Variants in ADAMTS16 observed in about 807,000 individuals in gnomAD.
ADAMTS16 encodes A disintegrin and metalloproteinase with thrombospondin motifs 16.
ADAMTS16 carries 94 observed loss-of-function variants against 145.8 expected under a neutral mutation model. That is an observed-to-expected ratio of 0.64 (90% CI 0.55 to 0.77). ADAMTS16 has a LOEUF of 0.77. Among genes scored for constraint, ADAMTS16 ranks in the 30% least tolerant of loss-of-function variants. The pLI, the probability that ADAMTS16 is intolerant of heterozygous loss-of-function variation, is 0.00. For synonymous variants in ADAMTS16, 659 were observed against 604.3 expected (o/e 1.09, Z -1.33); for missense variants, 1,585 against 1,591.5 (o/e 1.00, Z 0.07).
chr5:5,200,107 A>ATCTCTCTCTC (rs58639468), intron 8 of ADAMTS16, 25 bp from the exon 9 acceptor site: 1 of 1,447,254 alleles, frequency 6.9e-7, no homozygotes, highest in South Asian at 1.3e-5. Flanking sequence ...TGAAAGAACC[A>ATCTCTCTCTC]TCTCTCTCTC....
intron 12 of ADAMTS16, among the ~76,000 whole-genome samples, chr5:5,233,306 C>T (rs767875360): frequency 1.8e-4 from 27 of 152,142 alleles, no homozygotes; most frequent in Non-Finnish European, 3.1e-4. Context: ...CACCAGTGTG[C>T]GGAAGTGAAG....
At chr5:5,210,824 A>G (rs1241393264) in intron 10 of ADAMTS16, among the ~76,000 whole-genome samples, 3 of 152,168 alleles carry the variant, frequency 2.0e-5, no homozygotes, top group African/African-American at 7.2e-5. Context: ...GTCTATTGAT[A>G]TAGTTATATT....
At chr5:5,186,621 C>T (rs1043546260) in intron 5 of ADAMTS16, among the ~76,000 whole-genome samples, 1 of 152,100 alleles carries the variant, frequency 6.6e-6, no homozygotes, top group Non-Finnish European at 1.5e-5. Flanking sequence ...TTAGATGGCT[C>T]TATAGAAATG....
At chr5:5,159,612 G>A (rs866447357) in intron 3 of ADAMTS16, among the ~76,000 whole-genome samples, 3 of 152,314 alleles carry the variant, frequency 2.0e-5, no homozygotes, top group Middle Eastern at 6.8e-3. Context: ...ACCAAGAGGT[G>A]AAGTTATACT....
intron 4 of ADAMTS16, among the ~76,000 whole-genome samples, chr5:5,184,024 T>C (rs891033378): frequency 2.6e-5 from 4 of 152,186 alleles, no homozygotes; most frequent in African/African-American, 9.7e-5. Context: ...CCGTCCCCCC[T>C]GGGGTATGCA....
chr5:5,227,914 T>G (rs1318944922), intron 11 of ADAMTS16, among the ~76,000 whole-genome samples: 2 of 152,146 alleles, frequency 1.3e-5, no homozygotes, highest in Non-Finnish European at 2.9e-5. Flanking sequence ...TCTGTAAAAA[T>G]GCGATGAGGG....
chr5:5,162,498 T>A (rs893453904), intron 3 of ADAMTS16, among the ~76,000 whole-genome samples: 1 of 152,122 alleles, frequency 6.6e-6, no homozygotes, highest in Non-Finnish European at 1.5e-5. Context: ...AATTGATTGT[T>A]TGGGCAACAT....
In ADAMTS16 at chr5:5,319,781, A is replaced by G. The variant is rs1286361040; in HGVS notation, c.*643A>G. On this transcript the variant is annotated 3_prime_UTR_variant, in exon 23 of 23. Transcript: ENST00000274181. The stretch of plus-strand genomic sequence containing the variant: ...TGCATTCTGGTTTGGGACTTTGCCT[A>G]TGGAAATGGGAAAAATGAAATTCCT... 2.2e-6 allele frequency: 1 copy of G among 445,054 alleles called. No individual in the cohort carries two copies. The highest frequency in any genetic ancestry group is 2.0e-5 in the African/African-American group (1 of 49,256). The allele number at this position is 445,054 out of a possible 1,614,324, so 27.6% of individuals were successfully genotyped here.
intron 4 of ADAMTS16, among the ~76,000 whole-genome samples, chr5:5,183,358 G>A (rs564559677): frequency 1.4e-4 from 22 of 152,336 alleles, no homozygotes; most frequent in Non-Finnish European, 2.2e-4. Context: ...ACAGCTGCCC[G>A]AGGCTGCCGT....
intron 18 of ADAMTS16, among the ~76,000 whole-genome samples, chr5:5,285,084 C>T (rs548196755): frequency 6.6e-6 from 1 of 152,110 alleles, no homozygotes; most frequent in Admixed American, 6.5e-5. Flanking sequence ...CTCACTTGCA[C>T]CATCTCTCCC....
chr5:5,224,314 G>C (rs1315874874), intron 11 of ADAMTS16, among the ~76,000 whole-genome samples: 1 of 31,068 alleles, frequency 3.2e-5, no homozygotes, highest in East Asian at 3.8e-4. Flanking sequence ...TTTTGAGACA[G>C]AGTCTTGCTC....
rs747802719 is a variant in ADAMTS16 at position 5,303,354 on chromosome 5, A to G, written c.2876A>G (p.His959Arg). The G allele has an allele frequency of 1.2e-6, 2 of 1,602,410 alleles. No individual in the cohort carries two copies. The highest frequency in any genetic ancestry group is 1.7e-5 in the Admixed American group (1 of 58,010). The stretch of plus-strand genomic sequence containing the variant: ...CCCGTGCAGTGCACACGGCGGGTGC[A>G]CTATGACTCGGAGCCAGTCCCGGCC... Reference protein sequence around the residue: ...SRPVQCTRRVHYDSEPVPASL... With the variant: ...SRPVQCTRRVRYDSEPVPASL... Residue 959 changes from histidine (H) to arginine (R), a missense_variant, in exon 19 of 23, where the codon CAC (histidine) becomes CGC (arginine). By Grantham distance (29) the His-to-Arg change is conservative. Transcript: ENST00000274181.
intron 9 of ADAMTS16, 84 bp from the exon 10 acceptor site, chr5:5,209,009 A>C: frequency 6.9e-7 from 1 of 1,449,362 alleles, no homozygotes; most frequent in Non-Finnish European, 9.3e-7. Context: ...GTAAAATTAC[A>C]TGGGGGAGAA....
intron 2 of ADAMTS16, among the ~76,000 whole-genome samples, chr5:5,141,846 T>G (rs1387125159): frequency 6.6e-6 from 1 of 151,994 alleles, no homozygotes; most frequent in Non-Finnish European, 1.5e-5. Context: ...ATAGTACCTT[T>G]TTGAGAACCA....
rs1368710952 is a variant in ADAMTS16 at position 5,303,784 on chromosome 5, G to A, written c.3186+18G>A. The A allele has an allele frequency of 7.5e-6, 12 of 1,609,682 alleles. No homozygotes were observed. Among genetic ancestry groups the A allele is most frequent in the African/African-American group, 2.7e-5 (2 of 74,838 alleles). On this transcript the variant is annotated intron_variant, in intron 20 of 22. Transcript: ENST00000274181. ...GGTCCCAGGTAGGTGCACTGGTCTC[G>A]CGGGAGCGAGGTTGACTAGCTCTCC...
chr5:5,252,225 A>T (rs1579343089), intron 17 of ADAMTS16, among the ~76,000 whole-genome samples: 1 of 152,172 alleles, frequency 6.6e-6, no homozygotes, highest in Non-Finnish European at 1.5e-5. Context: ...TCACCAGGGG[A>T]CTTCTCTCCA....
At chr5:5,268,879 C>A (rs554054267) in intron 18 of ADAMTS16, among the ~76,000 whole-genome samples, 1 of 152,064 alleles carries the variant, frequency 6.6e-6, no homozygotes, top group African/African-American at 2.4e-5. Flanking sequence ...AGGGCCAAGA[C>A]GGAGGTAGTC....
At chr5:5,306,819 T>A in intron 21 of ADAMTS16, 91 bp downstream of exon 21, 2 of 1,295,468 alleles carry the variant, frequency 1.5e-6, no homozygotes, top group Non-Finnish European at 2.1e-6. Context: ...TGCGAGGGTG[T>A]TTTCCCCAAA....
chr5:5,171,712 G>A (rs1458196706), intron 3 of ADAMTS16, among the ~76,000 whole-genome samples: 4 of 152,084 alleles, frequency 2.6e-5, no homozygotes, highest in African/African-American at 7.2e-5. Context: ...GTTCATCAGG[G>A]ATATTGGCTT....
Sources: gnomAD v4.1 joint callset for allele counts (sites outside exome capture counted in the v4.1 genomes callset) on GRCh38, gnomAD v4.1.1 for gene constraint, MANE v1.5 for transcripts, NCBI Gene and HGNC (gene_info 2026-07-23, HGNC 2026-07-21) for gene names.